Variants in LRRC75A observed in about 807,000 individuals in gnomAD.
LRRC75A encodes the protein leucine rich repeat containing 75A, also known as leucine-rich repeat-containing protein 75A.
A neutral mutation model predicts 26.0 loss-of-function variants in LRRC75A; 12 were observed. The observed-to-expected ratio is 0.46, with a 90% CI of 0.30 to 0.75. The LOEUF (loss-of-function observed/expected upper bound fraction) is 0.75. Among genes scored for constraint, LRRC75A ranks in the 30% least tolerant of loss-of-function variants. The pLI is 0.08. For missense variants in LRRC75A, 410 were observed against 486.6 expected (o/e 0.84, Z 1.48); for synonymous variants, 223 against 219.3 (o/e 1.02, Z -0.15).
intron 2 of LRRC75A, chr17:16,460,966 C>A (rs1485691514): frequency 2.0e-5 from 3 of 152,612 alleles, no homozygotes; most frequent in Non-Finnish European, 4.4e-5. Context: ...CTCCTGGCAC[C>A]AATCAGGCCT....
At chr17:16,490,251 A>G (rs1324099565) in intron 1 of LRRC75A, among the ~76,000 whole-genome samples, 1 of 151,972 alleles carries the variant, frequency 6.6e-6, no homozygotes, top group Non-Finnish European at 1.5e-5. Context: ...TGTGATCAGG[A>G]AAACCTTACT....
intron 3 of LRRC75A, among the ~76,000 whole-genome samples, chr17:16,445,323 G>GC (rs1245806021): frequency 1.3e-5 from 2 of 151,770 alleles, no homozygotes; most frequent in African/African-American, 4.8e-5. Flanking sequence ...GTGCCCCCAC[G>GC]CCTGGCTAAT....
intron 1 of LRRC75A, among the ~76,000 whole-genome samples, chr17:16,470,917 T>G (rs1018893974): frequency 1.3e-5 from 2 of 151,592 alleles, no homozygotes; most frequent in Non-Finnish European, 2.9e-5. Context: ...CTTCATTCTT[T>G]CCCCATGTGC....
At chr17:16,447,677 C>T (rs1271362763) in intron 3 of LRRC75A, among the ~76,000 whole-genome samples, 168 bp downstream of exon 3, 1 of 152,108 alleles carries the variant, frequency 6.6e-6, no homozygotes, top group Non-Finnish European at 1.5e-5. Flanking sequence ...CAGGGTCCCC[C>T]TCTAGATGTT....
intron 1 of LRRC75A, among the ~76,000 whole-genome samples, chr17:16,484,925 T>C (rs1226291768): frequency 6.7e-6 from 1 of 148,382 alleles, no homozygotes; most frequent in Non-Finnish European, 1.5e-5. Flanking sequence ...CAGAGCTCCA[T>C]ATGGCTGCAG....
chr17:16,474,094 T>C (rs2093813841), intron 1 of LRRC75A, among the ~76,000 whole-genome samples: 1 of 152,194 alleles, frequency 6.6e-6, no homozygotes, highest in African/African-American at 2.4e-5. Flanking sequence ...TAAAGTAAGT[T>C]GGGAGGCGCA....
At chr17:16,456,076 A>G (rs11870223) in intron 2 of LRRC75A, among the ~76,000 whole-genome samples, 82,168 of 134,922 alleles carry the variant, frequency 0.61, 25,264 homozygotes, top group Non-Finnish European at 0.67. Flanking sequence ...AGGAAGAGGA[A>G]GAGGGAGAGG....
intron 1 of LRRC75A, among the ~76,000 whole-genome samples, chr17:16,467,273 C>T (rs1381944270): frequency 2.0e-5 from 3 of 152,204 alleles, no homozygotes; most frequent in African/African-American, 7.2e-5. Context: ...CCTGTCTCAG[C>T]CTCCAGAGTA....
rs903863968 is a variant in LRRC75A at position 16,443,396 on chromosome 17, G to T, written c.*192C>A. ...GCAGATAATGGGATAGGGGGCAGAT[G>T]CAGAGGACCAACGGGAAGTTTTAAC... is the stretch of plus-strand genomic sequence containing the variant. On this transcript the variant is annotated 3_prime_UTR_variant, in exon 4 of 4. Coordinates refer to ENST00000470794, the MANE Select transcript of LRRC75A (RefSeq NM_001113567.3). The T allele has an allele frequency of 5.4e-6, 3 of 557,238 alleles. No individual in the cohort carries two copies. Among genetic ancestry groups the T allele is most frequent in the Non-Finnish European group, 9.5e-6 (3 of 316,994 alleles). The allele number at this position is 557,238 out of a possible 1,614,324, so 34.5% of individuals were successfully genotyped here. A position where few individuals can be genotyped will look rare whatever the true frequency, so the allele number is the denominator to read the frequency against.
Position 16,491,884 on chromosome 17 carries a change from CGCA to C in LRRC75A, c.104_106del (p.Leu35del), listed in dbSNP as rs1275794242. The C allele has an allele frequency of 5.9e-6, 8 of 1,359,212 alleles. No individual in the cohort carries two copies. Among genetic ancestry groups the C allele is most frequent in the South Asian group, 4.9e-5 (3 of 61,256 alleles). The allele number at this position is 1,359,212 out of a possible 1,614,324, so 84.2% of individuals were successfully genotyped here. On this transcript the variant is annotated inframe_deletion, in exon 1 of 4. Coordinates refer to ENST00000470794, the MANE Select transcript of LRRC75A (RefSeq NM_001113567.3). The surrounding 1 kb of genome is among the most constrained non-coding windows in gnomAD (Gnocchi z 5.9). ...CGCGCGCCCCGCCTTGTCCCCGGCG[CGCA>C]GCAGCAGCGACGCCCAGAAGTCCGG...
In LRRC75A at chr17:16,464,441, A is replaced by G. The variant is rs141341365; in HGVS notation, c.247-2055T>C. 3.1e-3 allele frequency among the ~76,000 whole-genome samples: 475 copies of G among 152,338 alleles called. 2 individuals carry two copies. Among genetic ancestry groups the G allele is most frequent in the African/African-American group, 0.011 (446 of 41,580 alleles). ...AAGCAACCTGACAATGCTAAGCCTC[A>G]GTTTCCTCATCTGTAAAACGGGGAC... On this transcript the variant is annotated intron_variant, in intron 1 of 3. Transcript: ENST00000470794.
At chr17:16,475,289 G>A (rs1000693820) in intron 1 of LRRC75A, among the ~76,000 whole-genome samples, 4 of 152,136 alleles carry the variant, frequency 2.6e-5, no homozygotes, top group African/African-American at 7.2e-5. Context: ...GGGTTCTCTC[G>A]AGACACAGAA....
chr17:16,491,911 G>T lies in LRRC75A; in HGVS notation c.80C>A (p.Pro27Gln). 1 of 1,274,474 alleles carries T rather than the reference G, an allele frequency of 7.8e-7. No individual in the cohort carries two copies. The highest frequency in any genetic ancestry group is 9.9e-7 in the Non-Finnish European group (1 of 1,013,228). The allele number at this position is 1,274,474 out of a possible 1,614,324, so 78.9% of individuals were successfully genotyped here. Residue 27 changes from proline to glutamine, a missense_variant, in exon 1 of 4, where the codon CCG becomes CAG. Transcript: ENST00000470794. This position sits in a 1 kb window ranked among gnomAD's most constrained non-coding sequence, Gnocchi z 5.9. ...GAAPGPRRER[P>Q]DFWASLLLRA... ...CAGCAGCAGCGACGCCCAGAAGTCC[G>T]GCCGTTCGCGTCGGGGGCCCGGCGC...
chr17:16,458,623 G>A (rs146544783), intron 2 of LRRC75A, among the ~76,000 whole-genome samples: 2,793 of 151,988 alleles, frequency 0.018, 79 homozygotes, highest in African/African-American at 0.064. Context: ...GCGCCACCAC[G>A]CCCGGCTAAT....
At chr17:16,453,002 G>C (rs1268480995) in intron 2 of LRRC75A, among the ~76,000 whole-genome samples, 1 of 152,008 alleles carries the variant, frequency 6.6e-6, no homozygotes, top group East Asian at 1.9e-4. Context: ...TAAAAGAAGA[G>C]AATAGAGGCC....
At chr17:16,469,979 C>G (rs1465657982) in intron 1 of LRRC75A, among the ~76,000 whole-genome samples, 1 of 152,154 alleles carries the variant, frequency 6.6e-6, no homozygotes, top group Admixed American at 6.5e-5. Flanking sequence ...AAGTGGCTTC[C>G]TCCCTTCCTT....
intron 1 of LRRC75A, among the ~76,000 whole-genome samples, chr17:16,484,512 C>T (rs189165860): frequency 2.0e-3 from 299 of 152,238 alleles, no homozygotes; most frequent in South Asian, 0.011. Context: ...CAAATCGAGC[C>T]GGGCACCCTT....
intron 2 of LRRC75A, among the ~76,000 whole-genome samples, chr17:16,459,315 G>C (rs2093709427): frequency 6.6e-6 from 1 of 152,190 alleles, no homozygotes; most frequent in African/African-American, 2.4e-5. Context: ...CTCGAGACAG[G>C]CTGATCAGGA....
At position 16,443,786 on chromosome 17, in the gene LRRC75A, C is replaced by T. The variant is rs777874642; in HGVS notation, c.837G>A (p.Gln279=). 20 of 1,613,816 alleles carry T rather than the reference C, an allele frequency of 1.2e-5. No homozygotes were observed. Among genetic ancestry groups the T allele is most frequent in the Non-Finnish European group, 1.7e-5 (20 of 1,179,730 alleles). The change falls in exon 4 of 4, where the codon CAG becomes CAA. Residue 279 remains glutamine (Q), a synonymous_variant. Coordinates refer to ENST00000470794, the MANE Select transcript of LRRC75A (RefSeq NM_001113567.3). Reference sequence around the variant, plus strand: ...GCTTGCGCAGGCTGAGCAGGAAGGGCTGGGGCAAGGAGAAGATGTCCACGT... The same window carrying T: ...GCTTGCGCAGGCTGAGCAGGAAGGGTTGGGGCAAGGAGAAGATGTCCACGT... ...GNNVDIFSLP[Q]PFLLSLRKRS... is the part of the protein sequence containing the mutation.
Sources: allele counts gnomAD v4.1 joint callset (sites outside exome capture counted in the v4.1 genomes callset), GRCh38; gene constraint gnomAD v4.1.1; non-coding constraint Gnocchi (gnomAD v3.1); transcripts MANE v1.5; gene names NCBI Gene and HGNC (gene_info 2026-07-23, HGNC 2026-07-21).